Variants in FKBP10 observed in about 807,000 individuals in gnomAD.
The protein encoded by FKBP10 is peptidyl-prolyl cis-trans isomerase FKBP10.
Under a neutral mutation model 53.7 loss-of-function variants are expected in FKBP10, and 34 were observed. That is an observed-to-expected ratio of 0.63 (90% CI 0.48 to 0.84). The LOEUF (loss-of-function observed/expected upper bound fraction) is 0.84, where lower values mean the gene tolerates loss of function less well. Ranked by LOEUF, FKBP10 falls within the 40% of genes least tolerant of loss-of-function variation. FKBP10 has a pLI of 0.00. For synonymous variants in FKBP10, 324 were observed against 335.7 expected (o/e 0.97, Z 0.38); for missense variants, 748 against 797.8 (o/e 0.94, Z 0.75).
At chr17:41,816,743 C>T (rs1198472574) in intron 1 of FKBP10, among the ~76,000 whole-genome samples, 3 of 152,190 alleles carry the variant, frequency 2.0e-5, no homozygotes, top group African/African-American at 4.8e-5. Context: ...ACGTACCACT[C>T]CCCACTTGCT....
intron 9 of FKBP10, 23 bp downstream of exon 9, chr17:41,821,840 T>TGTTC: frequency 6.2e-7 from 1 of 1,613,798 alleles, no homozygotes; most frequent in Non-Finnish European, 8.5e-7. Context: ...TCAGTCCTAA[T>TGTTC]AGCCATGCCC....
intron 6 of FKBP10, chr17:41,819,947 A>G (rs2047869163): frequency 6.5e-7 from 1 of 1,533,322 alleles, no homozygotes. Context: ...CAGAACCAGC[A>G]TACCCCCAGG....
rs2047891467 is a variant in FKBP10, at chr17:41,821,580, C to T, written c.1400-74C>T. On this transcript the variant is annotated intron_variant, in intron 8 of 9. Transcript: ENST00000321562. ...CCAGGAGGGGAAACTGGCCTGTGGG[C>T]TGGGAAACAGTGAAGCCAGGCCCAG... 2.2e-5 allele frequency: 35 copies of T among 1,575,600 alleles called. No individual in the cohort carries two copies. The South Asian group carries it at 3.9e-4, about 17-fold the overall frequency.
intron 1 of FKBP10, among the ~76,000 whole-genome samples, chr17:41,814,619 G>A (rs2047792290): frequency 6.6e-6 from 1 of 152,190 alleles, no homozygotes; most frequent in South Asian, 2.1e-4. Flanking sequence ...TCAGATATAG[G>A]GTAGTAGCCA....
chr17:41,815,079 G>T (rs560304127), intron 1 of FKBP10, among the ~76,000 whole-genome samples: 13 of 151,866 alleles, frequency 8.6e-5, no homozygotes, highest in African/African-American at 3.1e-4. Flanking sequence ...CACCACACCC[G>T]GCTAATTTTT....
At chr17:41,817,752 C>T (rs1480848709) in intron 2 of FKBP10, among the ~76,000 whole-genome samples, 1 of 151,788 alleles carries the variant, frequency 6.6e-6, no homozygotes, top group Non-Finnish European at 1.5e-5. Flanking sequence ...CTCAGCCTCC[C>T]AAATAGCTGG....
intron 4 of FKBP10, chr17:41,818,974 A>G: frequency 1.9e-6 from 1 of 519,484 alleles, no homozygotes; most frequent in Non-Finnish European, 3.4e-6. Context: ...AAAAAAAAAA[A>G]GAAGGGGTGC....
rs1597911347 is a variant in FKBP10 at position 41,822,556 on chromosome 17, G to C, written c.*148G>C. 46 of 842,966 alleles carry C rather than the reference G, an allele frequency of 5.5e-5. No individual in the cohort carries two copies. The East Asian group carries it at 1.2e-3, about 22-fold the overall frequency. 52.2% of individuals were successfully genotyped at this position (842,966 alleles called of 1,614,324 possible). On this transcript the variant is annotated 3_prime_UTR_variant, in exon 10 of 10. Transcript: ENST00000321562. ...AACAATGGCAGAGGAGACATCTCTG[G>C]TGTTCCCACCACCCTAGATGAAAAT...
Position 41,819,602 on chromosome 17 carries a change from G to A in FKBP10, c.990G>A (p.Leu330=), listed in dbSNP as rs1555616667. The A allele has an allele frequency of 6.2e-7, 1 of 1,613,920 alleles. No homozygotes were observed. The highest frequency in any genetic ancestry group is 8.5e-7 in the Non-Finnish European group (1 of 1,179,942). Residue 330 remains leucine (L), a synonymous_variant, in exon 6 of 10, where the codon CTG becomes CTA. Coordinates refer to ENST00000321562, the MANE Select transcript of FKBP10 (RefSeq NM_021939.4). ...TCATCCCCGGGATGGACCAGGGGCTGCAGGGTGCCTGCATGGGGGAACGCC... is the reference window on the plus strand; with the variant it reads ...TCATCCCCGGGATGGACCAGGGGCTACAGGGTGCCTGCATGGGGGAACGCC... ...GYIIPGMDQG[L]QGACMGERRR... is the part of the protein sequence containing the mutation.
In FKBP10 at chr17:41,813,058, C is replaced by T; in HGVS notation, c.24C>T (p.Ser8=). The T allele has an allele frequency of 6.2e-7, 1 of 1,610,320 alleles. No individual in the cohort carries two copies. The highest frequency in any genetic ancestry group is 8.5e-7 in the Non-Finnish European group (1 of 1,179,656). MFPAGPP[S]HSLLRLPLLQ... ...CCATGTTCCCCGCGGGCCCCCCCAG[C>T]CACAGCCTCCTCCGGCTCCCCCTGC... is the stretch of plus-strand genomic sequence containing the variant. The change falls in exon 1 of 10, where the codon AGC becomes AGT. Residue 8 remains serine, a synonymous_variant. Transcript: ENST00000321562.
chr17:41,821,009 A>T lies in FKBP10; in HGVS notation c.1319A>T (p.Asp440Val). The change falls in exon 8 of 10, where the codon GAC becomes GTC. Residue 440 changes from aspartate to valine, a missense_variant. By Grantham distance (152) the Asp-to-Val change is radical (BLOSUM62 -3). Coordinates refer to ENST00000321562, the MANE Select transcript of FKBP10 (RefSeq NM_021939.4). ...GCCAACAAGGTGATCGAAGGCCTGG[A>T]CACGGGCCTGCAGGGCATGTGTGTG... is the stretch of plus-strand genomic sequence containing the variant. ...LGANKVIEGLDTGLQGMCVGE... is the reference protein window; with the variant it reads ...LGANKVIEGLVTGLQGMCVGE... 1 of 1,606,244 alleles carries T rather than the reference A, an allele frequency of 6.2e-7. No individual in the cohort carries two copies. The highest frequency in any genetic ancestry group is 8.5e-7 in the Non-Finnish European group (1 of 1,176,714).
chr17:41,815,980 C>G (rs897820114), intron 1 of FKBP10, among the ~76,000 whole-genome samples: 4 of 150,888 alleles, frequency 2.7e-5, no homozygotes, highest in African/African-American at 9.7e-5. Context: ...ACTAAAAATA[C>G]AAAAATTAGC....
Position 41,822,803 on chromosome 17 carries a change from A to G in FKBP10, c.*395A>G. On this transcript the variant is annotated 3_prime_UTR_variant, in exon 10 of 10. Transcript: ENST00000321562. The stretch of plus-strand genomic sequence containing the variant: ...TGTACTTCTTGTCATCCCCACTCCC[A>G]GCCCCTTTTCCTCTATGTGACAGCT... The G allele has an allele frequency of 2.9e-6, 1 of 341,306 alleles. No individual in the cohort carries two copies. The allele number at this position is 341,306 out of a possible 1,614,324, so 21.1% of individuals were successfully genotyped here.
intron 2 of FKBP10, 33 bp downstream of exon 2, chr17:41,817,236 A>T: frequency 2.5e-6 from 4 of 1,607,510 alleles, no homozygotes; most frequent in Non-Finnish European, 3.4e-6. Context: ...CCGGGGGTGG[A>T]GGAGACCACG....
At chr17:41,813,390 GCACCCCTGGGGCCTCCCAGA>G in intron 1 of FKBP10, 111 bp downstream of exon 1, 1 of 1,427,044 alleles carries the variant, frequency 7.0e-7, no homozygotes, top group Non-Finnish European at 9.9e-7. Flanking sequence ...ACCCTAGACA[GCACCCCTGGGGCCTCCCAGA>G]CACCCATCTC....
At position 41,820,335 on chromosome 17, in the gene FKBP10, C is replaced by T. The variant is rs782640718; in HGVS notation, c.1130C>T (p.Ala377Val). 7.4e-6 allele frequency: 12 copies of T among 1,614,046 alleles called. No individual in the cohort carries two copies. The highest frequency in any genetic ancestry group is 1.6e-4 in the Middle Eastern group (1 of 6,084). Residue 377 changes from alanine to valine, a missense_variant, in exon 7 of 10, where the codon GCG (alanine) becomes GTG (valine). Transcript: ENST00000321562. ...CATGTCATTGACTTCCACAACCCTG[C>T]GGATGTGGTGGAAATCAGGACACTG... is the stretch of plus-strand genomic sequence containing the variant. ...NVHVIDFHNP[A>V]DVVEIRTLSR...
chr17:41,820,943 C>T lies in FKBP10; in HGVS notation c.1257-4C>T, dbSNP rs972426702. ...TGCTGACCTGGGCATCTGCTCTCCC[C>T]CAGGCATGACTACGGGGCCCCCCAG... On this transcript the variant is annotated splice_polypyrimidine_tract_variant and splice_region_variant and intron_variant, in intron 7 of 9. Coordinates refer to ENST00000321562, the MANE Select transcript of FKBP10 (RefSeq NM_021939.4). 3 of 1,611,350 alleles carry T rather than the reference C, an allele frequency of 1.9e-6. No individual in the cohort carries two copies. The African/African-American group carries it at 4.0e-5, about 22-fold the overall frequency.
intron 4 of FKBP10, among the ~76,000 whole-genome samples, 183 bp downstream of exon 4, chr17:41,818,710 G>T (rs2144057688): frequency 6.6e-6 from 1 of 151,500 alleles, no homozygotes; most frequent in Non-Finnish European, 1.5e-5. Context: ...GCTCACGCTT[G>T]TAATCCCAGC....
chr17:41,818,485 AT>A lies in FKBP10; in HGVS notation c.687del (p.Ile230SerfsTer16). 1 of 1,614,196 alleles carries A rather than the reference AT, an allele frequency of 6.2e-7. No homozygotes were observed. The highest frequency in any genetic ancestry group is 8.5e-7 in the Non-Finnish European group (1 of 1,180,040). On this transcript the variant is annotated frameshift_variant, in exon 4 of 10. Transcript: ENST00000321562. LOFTEE classifies it high-confidence loss of function. ...CATGTGTCCTGGAGAGAGAAGGAAG[AT>A]TATCATCCCTCCATTCCTGGCCTAT... Reference protein sequence around the residue: ...LGMCPGERRKIIIPPFLAYGE... With the variant: ...LGMCPGERRKXIIPPFLAYGE...
Sources: allele counts gnomAD v4.1 joint callset (sites outside exome capture counted in the v4.1 genomes callset), GRCh38; gene constraint gnomAD v4.1.1; transcripts MANE v1.5; gene names NCBI Gene and HGNC (gene_info 2026-07-23, HGNC 2026-07-21).